Variants in TANGO6 observed in about 807,000 individuals in gnomAD.
The protein encoded by TANGO6 is transport and Golgi organization protein 6 homolog.
Under a neutral mutation model 114.2 loss-of-function variants are expected in TANGO6, and 90 were observed. The ratio of observed to expected loss-of-function variants is 0.79; its 90% CI spans 0.66 to 0.94. The LOEUF is 0.94. Ranked by LOEUF, TANGO6 falls within the 40% of genes least tolerant of loss-of-function variation. The pLI is 0.00. For synonymous variants in TANGO6, 477 were observed against 509.8 expected, an observed-to-expected ratio of 0.94 and a Z score of 0.87; for missense variants, 1,274 against 1,315.3, an observed-to-expected ratio of 0.97 and a Z score of 0.49.
chr16:68,872,215 T>C (rs958924605), intron 4 of TANGO6, among the ~76,000 whole-genome samples: 1 of 151,774 alleles, frequency 6.6e-6, no homozygotes. Flanking sequence ...GGTGAGACTC[T>C]TGTCTCAAAA....
intron 12 of TANGO6, among the ~76,000 whole-genome samples, chr16:68,927,135 T>C (rs570594639): frequency 6.6e-6 from 1 of 152,206 alleles, no homozygotes; most frequent in Non-Finnish European, 1.5e-5. Flanking sequence ...CTTTAGATCA[T>C]GTAGTTAAGA....
intron 1 of TANGO6, among the ~76,000 whole-genome samples, chr16:68,845,188 G>A (rs1470076499): frequency 2.6e-5 from 4 of 151,994 alleles, no homozygotes; most frequent in Admixed American, 2.6e-4. Flanking sequence ...GGCTGGTCTC[G>A]AACTCCTGAC....
chr16:68,987,783 GTGTT>G (rs1297651196), intron 15 of TANGO6, among the ~76,000 whole-genome samples: 2 of 152,188 alleles, frequency 1.3e-5, no homozygotes, highest in African/African-American at 4.8e-5. Context: ...TTTGAAAACT[GTGTT>G]TGTTCAAAGT....
At chr16:69,003,923 A>G (rs1964067658) in intron 15 of TANGO6, among the ~76,000 whole-genome samples, 1 of 151,628 alleles carries the variant, frequency 6.6e-6, no homozygotes, top group African/African-American at 2.4e-5. Context: ...TCCCCTACTT[A>G]CTGTTTTTTT....
intron 4 of TANGO6, 43 bp from the exon 5 acceptor site, chr16:68,875,111 G>A: frequency 6.4e-7 from 1 of 1,559,346 alleles, no homozygotes; most frequent in Non-Finnish European, 8.8e-7. Context: ...ACCTTCTGTG[G>A]GGAATTGCTG....
intron 17 of TANGO6, among the ~76,000 whole-genome samples, chr16:69,046,726 A>G (rs1353465128): frequency 6.6e-6 from 1 of 152,226 alleles, no homozygotes; most frequent in African/African-American, 2.4e-5. Context: ...TGATTTTAAA[A>G]GGGCCAAATG....
intron 14 of TANGO6, among the ~76,000 whole-genome samples, chr16:68,945,259 G>A (rs1312532681): frequency 6.6e-6 from 1 of 152,256 alleles, no homozygotes; most frequent in Non-Finnish European, 1.5e-5. Flanking sequence ...CAGCTGACAA[G>A]CTCTGAGGAG....
In TANGO6 at chr16:68,859,927, G is replaced by T. The variant is rs1472553089; in HGVS notation, c.138G>T (p.Leu46Phe). Residue 46 changes from leucine (L) to phenylalanine (F), a missense_variant, in exon 2 of 18, where the codon TTG becomes TTT. Leu to Phe is a conservative substitution (Grantham distance 22). Coordinates refer to ENST00000261778, the MANE Select transcript of TANGO6 (RefSeq NM_024562.2). The stretch of plus-strand genomic sequence containing the variant: ...TACAGGTCACAAAACATGATGTCTT[G>T]TTGGCTACTTTAAAATCTAACCTGT... ...SSLQVTKHDV[L>F]LATLKSNLSA... 1 of 1,604,784 alleles carries T rather than the reference G, an allele frequency of 6.2e-7. No homozygotes were observed. Among genetic ancestry groups the T allele is most frequent in the Non-Finnish European group, 8.5e-7 (1 of 1,174,636 alleles).
chr16:69,058,790 C>T (rs962876950), intron 17 of TANGO6, among the ~76,000 whole-genome samples: 1 of 151,816 alleles, frequency 6.6e-6, no homozygotes, highest in Non-Finnish European at 1.5e-5. Context: ...CTTAGCCTCT[C>T]GAGTAGCTGG....
At chr16:69,077,549 G>A (rs1051573571) in intron 17 of TANGO6, among the ~76,000 whole-genome samples, 1 of 152,166 alleles carries the variant, frequency 6.6e-6, no homozygotes, top group Non-Finnish European at 1.5e-5. Context: ...AGGCTGCCAG[G>A]CATGGTGGCT....
At chr16:69,063,808 C>CTTCTTCTTCTTCTTCTTCTTCTTCTTA (rs56983779) in intron 17 of TANGO6, among the ~76,000 whole-genome samples, 118 of 125,556 alleles carry the variant, frequency 9.4e-4, no homozygotes, top group African/African-American at 3.5e-3. Flanking sequence ...TCTTCTTCTT[C>CTTCTTCTTCTTCTTCTTCTTCTTCTTA]TTATTATTAT....
chr16:69,043,279 A>T (rs1959800834), intron 17 of TANGO6, among the ~76,000 whole-genome samples: 1 of 116,922 alleles, frequency 8.6e-6, no homozygotes, highest in Non-Finnish European at 1.8e-5. Flanking sequence ...CGAGAGACAG[A>T]GCGAGTGTGT....
chr16:68,981,553 T>C (rs1430054687), intron 15 of TANGO6, among the ~76,000 whole-genome samples: 1 of 152,226 alleles, frequency 6.6e-6, no homozygotes, highest in Non-Finnish European at 1.5e-5. Context: ...ACATATTTTC[T>C]GTTTAGTAAT....
chr16:69,063,808 C>CTTCTTCTTCTTCTTCTTCTTCTTATTA (rs56983779), intron 17 of TANGO6, among the ~76,000 whole-genome samples: 137 of 125,548 alleles, frequency 1.1e-3, no homozygotes, highest in African/African-American at 4.3e-3. Context: ...TCTTCTTCTT[C>CTTCTTCTTCTTCTTCTTCTTCTTATTA]TTATTATTAT....
At position 68,919,096 on chromosome 16, in the gene TANGO6, T is replaced by G; in HGVS notation, c.2004T>G (p.Phe668Leu). 1 of 1,613,022 alleles carries G rather than the reference T, an allele frequency of 6.2e-7. No individual in the cohort carries two copies. Among genetic ancestry groups the G allele is most frequent in the East Asian group, 2.2e-5 (1 of 44,880 alleles). ...IFTNVTQVVD[F>L]VAATLQRACA... ...CCTTTTTTGGGTAGGTGGTGGACTT[T>G]GTAGCAGCAACATTGCAGAGAGCCT... The change falls in exon 12 of 18, where the codon TTT (phenylalanine) becomes TTG (leucine). Residue 668 changes from phenylalanine to leucine, a missense_variant. By Grantham distance (22) the Phe-to-Leu change is conservative. Around this residue, in one of 5 missense-constraint regions of TANGO6, gnomAD observed 908 missense variants for 910.2 expected, o/e 1.00. Transcript: ENST00000261778.
At chr16:68,913,183 A>G (rs1218208432) in intron 11 of TANGO6, among the ~76,000 whole-genome samples, 1 of 151,468 alleles carries the variant, frequency 6.6e-6, no homozygotes, top group African/African-American at 2.4e-5. Context: ...CTCCCACCTT[A>G]GCCTCTCAAA....
intron 14 of TANGO6, among the ~76,000 whole-genome samples, chr16:68,960,470 T>A (rs928959171): frequency 7.9e-5 from 12 of 151,646 alleles, no homozygotes; most frequent in South Asian, 2.1e-4. Context: ...TGCTGTTTTT[T>A]AAATTATTTT....
At chr16:68,881,587 T>C (rs1160866652) in intron 7 of TANGO6, among the ~76,000 whole-genome samples, 1 of 152,206 alleles carries the variant, frequency 6.6e-6, no homozygotes, top group East Asian at 1.9e-4. Context: ...TGTATGATAA[T>C]TGAATCTACT....
intron 14 of TANGO6, among the ~76,000 whole-genome samples, chr16:68,970,519 T>C (rs1462580919): frequency 6.6e-6 from 1 of 151,706 alleles, no homozygotes; most frequent in Non-Finnish European, 1.5e-5. Flanking sequence ...AATATAAAAT[T>C]AGCTGGGCAT....
Sources: allele counts gnomAD v4.1 joint callset (sites outside exome capture counted in the v4.1 genomes callset), GRCh38; gene constraint gnomAD v4.1.1; regional missense constraint gnomAD v4.1.1; transcripts MANE v1.5; gene names NCBI Gene and HGNC (gene_info 2026-07-23, HGNC 2026-07-21).